GRM7: variants seen among roughly 807,000 people sequenced by gnomAD.
GRM7 encodes the protein metabotropic glutamate receptor 7.
Under a neutral mutation model 84.5 loss-of-function variants are expected in GRM7, and 35 were observed. The observed-to-expected ratio is 0.41, with a 90% CI of 0.32 to 0.55. The LOEUF (loss-of-function observed/expected upper bound fraction) is 0.55, where lower values mean the gene tolerates loss of function less well. Ranked by LOEUF, GRM7 falls within the 20% of genes least tolerant of loss-of-function variation. The pLI is 0.19. For missense variants in GRM7, 1,003 were observed against 1,194.6 expected (o/e 0.84, Z 2.36); for synonymous variants, 487 against 455.1 (o/e 1.07, Z -0.89).
intron 4 of GRM7, among the ~76,000 whole-genome samples, chr3:7,316,957 A>G (rs59694832): frequency 0.047 from 7,229 of 152,204 alleles, 571 homozygotes; most frequent in African/African-American, 0.16. Flanking sequence ...GAGGATAAGA[A>G]AAGAGAAGCC....
intron 8 of GRM7, among the ~76,000 whole-genome samples, chr3:7,590,329 C>G (rs1291241362): frequency 6.6e-6 from 1 of 152,108 alleles, no homozygotes; most frequent in African/African-American, 2.4e-5. Flanking sequence ...CAAAATACAG[C>G]CCATGGACCT....
In GRM7 at chr3:7,437,740, C is replaced by T. The variant is rs552845848; in HGVS notation, c.1175-14867C>T. On this transcript the variant is annotated intron_variant, in intron 5 of 9. Transcript: ENST00000357716. ...TGTGTTCCCCATCCTACATCCAGCC[C>T]GCCTCTCTCAACAGCCATAATATAA... Among the ~76,000 whole-genome samples the T allele has an allele frequency of 3.9e-5, 6 of 152,066 alleles. No individual in the cohort carries two copies. The East Asian group carries it at 5.8e-4, about 15-fold the overall frequency.
At chr3:6,941,633 T>A (rs1401418263) in intron 1 of GRM7, among the ~76,000 whole-genome samples, 1 of 152,240 alleles carries the variant, frequency 6.6e-6, no homozygotes, top group African/African-American at 2.4e-5. Context: ...AAAAAGGCAT[T>A]CTAAAGTCAA....
rs140136744 is a variant in GRM7 at position 7,313,119 on chromosome 3, G to A, written c.1033+6467G>A. On this transcript the variant is annotated intron_variant, in intron 4 of 9. Transcript: ENST00000357716. ...AGTTTTTGTATTTTTAGTAGAGATG[G>A]GGTTTCACCATGTTGGTCAGGCTGG... Among the ~76,000 whole-genome samples the A allele has an allele frequency of 9.6e-3, 1,463 of 151,738 alleles. 11 individuals carry two copies. The highest frequency in any genetic ancestry group is 0.028 in the Middle Eastern group (8 of 290).
At chr3:7,067,958 A>G (rs1247450014) in intron 1 of GRM7, among the ~76,000 whole-genome samples, 2 of 151,994 alleles carry the variant, frequency 1.3e-5, no homozygotes, top group East Asian at 1.9e-4. Context: ...CTCACCTTGC[A>G]TCCCAGCCGA....
At chr3:7,473,532 A>AGAGAGAGAGAGAGAG (rs1553603738) in intron 7 of GRM7, among the ~76,000 whole-genome samples, 1 of 83,556 alleles carries the variant, frequency 1.2e-5, no homozygotes, top group Non-Finnish European at 2.8e-5. Flanking sequence ...GAGAGAGAGA[A>AGAGAGAGAGAGAGAG]ACACCTTGAC....
chr3:7,504,594 C>T (rs60876510), intron 7 of GRM7, among the ~76,000 whole-genome samples: 2 of 152,186 alleles, frequency 1.3e-5, no homozygotes, highest in African/African-American at 4.8e-5. Flanking sequence ...CAGAGAGCAT[C>T]ACATGATAAG....
chr3:7,547,781 G>GA (rs1469839506), intron 7 of GRM7, among the ~76,000 whole-genome samples: 5 of 152,210 alleles, frequency 3.3e-5, no homozygotes, highest in African/African-American at 1.2e-4. Flanking sequence ...GCAAAATAAC[G>GA]AAAGCAAAGA....
At chr3:7,453,470 T>C (rs1294900644) in intron 6 of GRM7, among the ~76,000 whole-genome samples, 1 of 152,152 alleles carries the variant, frequency 6.6e-6, no homozygotes, top group Non-Finnish European at 1.5e-5. Flanking sequence ...GTTTGATTAA[T>C]TTGCTAGAGC....
At chr3:7,704,162 A>C (rs1701313842) in intron 9 of GRM7, among the ~76,000 whole-genome samples, 1 of 152,184 alleles carries the variant, frequency 6.6e-6, no homozygotes. Context: ...AAGCTTGCTG[A>C]AAAAAATCAC....
chr3:7,182,414 CA>C (rs548525994), intron 2 of GRM7, among the ~76,000 whole-genome samples: 2 of 151,942 alleles, frequency 1.3e-5, no homozygotes, highest in Non-Finnish European at 1.5e-5. Context: ...ATTATTGCTT[CA>C]AAAAAAATCT....
At chr3:7,218,237 A>G (rs1245298079) in intron 2 of GRM7, among the ~76,000 whole-genome samples, 2 of 152,172 alleles carry the variant, frequency 1.3e-5, no homozygotes, top group Non-Finnish European at 2.9e-5. Context: ...AAAAGCTTCT[A>G]CTAACTTACT....
In GRM7 at chr3:7,230,427, G is replaced by A. The variant is rs151073395; in HGVS notation, c.737-68257G>A. Among the ~76,000 whole-genome samples the A allele has an allele frequency of 4.6e-5, 7 of 152,280 alleles. No homozygotes were observed. The East Asian group carries it at 7.7e-4, about 17-fold the overall frequency. On this transcript the variant is annotated intron_variant, in intron 2 of 9. Coordinates refer to ENST00000357716, the MANE Select transcript of GRM7 (RefSeq NM_000844.4). ...TCTGTCAATAGCAGATTGCTATTGA[G>A]TAGTAAGTGCCTTGAATTCTCATCA...
intron 1 of GRM7, among the ~76,000 whole-genome samples, chr3:7,102,073 T>A (rs1364948565): frequency 6.6e-6 from 1 of 151,706 alleles, no homozygotes; most frequent in Non-Finnish European, 1.5e-5. Context: ...TTTCAAAATT[T>A]AGTTATATTT....
chr3:7,454,595 A>C (rs1173762044), intron 6 of GRM7, among the ~76,000 whole-genome samples: 1 of 152,160 alleles, frequency 6.6e-6, no homozygotes, highest in Non-Finnish European at 1.5e-5. Context: ...AATATCTAGT[A>C]AATCTGTATT....
chr3:7,554,553 G>A (rs989173158), intron 7 of GRM7, among the ~76,000 whole-genome samples: 1 of 152,190 alleles, frequency 6.6e-6, no homozygotes, highest in Admixed American at 6.5e-5. Context: ...ATTAGCTAGG[G>A]TAAGTAATCC....
rs890555328 is a variant in GRM7 at position 6,863,209 on chromosome 3, A to G, written c.519+1302A>G. On this transcript the variant is annotated intron_variant, in intron 1 of 9. Coordinates refer to ENST00000357716, the MANE Select transcript of GRM7 (RefSeq NM_000844.4). The surrounding 1 kb of genome is among the most constrained non-coding windows in gnomAD (Gnocchi z 4.8). ...GTCTTCACTCCCAAGTTCTTGGTTC[A>G]TCTCCGTATTAAAATGACCCTTTTC... 8.7e-5 allele frequency among the ~76,000 whole-genome samples: 13 copies of G among 149,130 alleles called. No homozygotes were observed. The highest frequency in any genetic ancestry group is 3.2e-4 in the African/African-American group (13 of 40,326).
At chr3:6,932,459 A>G (rs2125046285) in intron 1 of GRM7, among the ~76,000 whole-genome samples, 1 of 152,252 alleles carries the variant, frequency 6.6e-6, no homozygotes, top group Non-Finnish European at 1.5e-5. Flanking sequence ...TAGTTTGGGG[A>G]CATGTAGTTA....
At chr3:7,019,060 G>T (rs540607631) in intron 1 of GRM7, among the ~76,000 whole-genome samples, 4 of 152,342 alleles carry the variant, frequency 2.6e-5, no homozygotes, top group Admixed American at 1.3e-4. Flanking sequence ...CTGTGCCACT[G>T]CACTCCAGCC....
Sources: gnomAD v4.1 joint callset for allele counts (sites outside exome capture counted in the v4.1 genomes callset) on GRCh38, gnomAD v4.1.1 for gene constraint, Gnocchi (gnomAD v3.1) non-coding constraint, MANE v1.5 for transcripts, NCBI Gene and HGNC (gene_info 2026-07-23, HGNC 2026-07-21) for gene names.